ULK4: variants seen among roughly 807,000 people sequenced by gnomAD.
The protein encoded by ULK4 is unc-51 like kinase 4, also known as inactive serine/threonine-protein kinase ULK4.
Under a neutral mutation model 160.6 loss-of-function variants are expected in ULK4, and 133 were observed. The observed-to-expected ratio is 0.83, with a 90% CI of 0.72 to 0.96. The LOEUF is 0.96. Among genes scored for constraint, ULK4 ranks in the 40% least tolerant of loss-of-function variants. The pLI, the probability that ULK4 is intolerant of heterozygous loss-of-function variation, is 0.00. For synonymous variants in ULK4, 534 were observed against 539.8 expected (o/e 0.99, Z 0.15); for missense variants, 1,580 against 1,499.5 (o/e 1.05, Z -0.89).
chr3:41,463,367 T>A, intron 32 of ULK4, 114 bp from the exon 33 acceptor site: 1 of 1,003,304 alleles, frequency 1.0e-6, no homozygotes, highest in Non-Finnish European at 1.4e-6. Flanking sequence ...AAGCAATACT[T>A]AAACTATACT....
At chr3:41,407,122 C>A (rs537699727) in intron 34 of ULK4, among the ~76,000 whole-genome samples, 34 of 152,116 alleles carry the variant, frequency 2.2e-4, no homozygotes, top group African/African-American at 8.2e-4. Flanking sequence ...AGAAAGCAGG[C>A]CGAGGCTCAA....
intron 11 of ULK4, among the ~76,000 whole-genome samples, chr3:41,908,754 A>G (rs1196469588): frequency 6.6e-6 from 1 of 152,034 alleles, no homozygotes; most frequent in African/African-American, 2.4e-5. Flanking sequence ...TGAGCTTTTC[A>G]CATTTTAAGA....
At chr3:41,390,730 G>C (rs896415170) in intron 35 of ULK4, among the ~76,000 whole-genome samples, 98 of 152,306 alleles carry the variant, frequency 6.4e-4, no homozygotes, top group African/African-American at 2.2e-3. Context: ...TGGTCTGAGA[G>C]ACAGTTTGTT....
chr3:41,299,910 A>T (rs912355655), intron 35 of ULK4, among the ~76,000 whole-genome samples: 7 of 152,328 alleles, frequency 4.6e-5, no homozygotes, highest in African/African-American at 1.7e-4. Flanking sequence ...ATAAGCTTAT[A>T]CATCTAACAT....
chr3:41,759,217 T>C (rs1221576696), intron 21 of ULK4, among the ~76,000 whole-genome samples: 1 of 152,110 alleles, frequency 6.6e-6, no homozygotes, highest in Non-Finnish European at 1.5e-5. Context: ...GACATTTAGA[T>C]TTGAATGAAA....
chr3:41,904,168 C>T (rs533594142), intron 12 of ULK4, among the ~76,000 whole-genome samples: 29 of 152,150 alleles, frequency 1.9e-4, no homozygotes, highest in Admixed American at 7.9e-4. Context: ...CACAGTGGCT[C>T]ACACCTGTAA....
intron 34 of ULK4, among the ~76,000 whole-genome samples, chr3:41,452,159 A>G (rs1416054462): frequency 6.6e-6 from 1 of 152,116 alleles, no homozygotes. Context: ...AGAGCCATCT[A>G]TCTGCTCCAA....
chr3:41,540,397 A>G (rs1227459666), intron 32 of ULK4, among the ~76,000 whole-genome samples: 1 of 152,176 alleles, frequency 6.6e-6, no homozygotes, highest in Non-Finnish European at 1.5e-5. Flanking sequence ...ATAGTATTCT[A>G]TAGTGTATAT....
intron 34 of ULK4, among the ~76,000 whole-genome samples, chr3:41,452,967 C>T (rs1017046073): frequency 2.0e-5 from 3 of 151,940 alleles, no homozygotes; most frequent in African/African-American, 4.8e-5. Flanking sequence ...CCAAGGAGAA[C>T]GGTGGTAGGG....
intron 35 of ULK4, among the ~76,000 whole-genome samples, chr3:41,259,598 A>G (rs974820544): frequency 1.3e-5 from 2 of 152,252 alleles, no homozygotes; most frequent in Non-Finnish European, 2.9e-5. Context: ...ACCGTGGCAC[A>G]TCAGGAATTT....
intron 34 of ULK4, among the ~76,000 whole-genome samples, chr3:41,425,238 A>T (rs932594370): frequency 2.0e-5 from 3 of 152,200 alleles, no homozygotes; most frequent in African/African-American, 7.2e-5. Context: ...CAGGCAGACA[A>T]GATTAGAGAA....
intron 3 of ULK4, chr3:41,936,990 C>T (rs995612029): frequency 3.0e-5 from 7 of 232,288 alleles, no homozygotes; most frequent in African/African-American, 1.6e-4. Context: ...TTACACACTG[C>T]ATGCCTGTAC....
intron 31 of ULK4, among the ~76,000 whole-genome samples, chr3:41,569,091 C>G (rs1213770069): frequency 6.6e-6 from 1 of 152,216 alleles, no homozygotes; most frequent in Non-Finnish European, 1.5e-5. Flanking sequence ...GCTTCTGTGT[C>G]TTCCCCGGGC....
intron 34 of ULK4, among the ~76,000 whole-genome samples, chr3:41,412,730 G>C (rs2082434373): frequency 6.6e-6 from 1 of 151,354 alleles, no homozygotes; most frequent in Non-Finnish European, 1.5e-5. Context: ...CAGCTAATTT[G>C]TTGTATTTTT....
chr3:41,565,890 C>A, intron 32 of ULK4, 135 bp downstream of exon 32: 2 of 615,360 alleles, frequency 3.3e-6, no homozygotes, highest in East Asian at 3.0e-5. Context: ...CCAAATTTTG[C>A]TAGTAATATT....
intron 22 of ULK4, among the ~76,000 whole-genome samples, chr3:41,746,321 T>C (rs1367329217): frequency 7.4e-6 from 1 of 134,650 alleles, no homozygotes; most frequent in Admixed American, 7.1e-5. Flanking sequence ...TAAATGAGTT[T>C]AGTAACGCTG....
At chr3:41,961,711 A>C (rs1264056563) in intron 1 of ULK4, among the ~76,000 whole-genome samples, 1 of 152,262 alleles carries the variant, frequency 6.6e-6, no homozygotes, top group African/African-American at 2.4e-5. Flanking sequence ...GGAAGTTAAG[A>C]GATGGCGTCC....
At chr3:41,525,908 A>G (rs867775194) in intron 32 of ULK4, among the ~76,000 whole-genome samples, 2 of 152,030 alleles carry the variant, frequency 1.3e-5, no homozygotes, top group Non-Finnish European at 1.5e-5. Context: ...ATTTCCTGTC[A>G]TTTTGTGTGA....
At chr3:41,483,403 C>A (rs1226854282) in intron 32 of ULK4, among the ~76,000 whole-genome samples, 1 of 152,064 alleles carries the variant, frequency 6.6e-6, no homozygotes, top group Non-Finnish European at 1.5e-5. Context: ...GCTCTCTTTC[C>A]CCATCCCCAC....
Sources: gnomAD v4.1 joint callset for allele counts (sites outside exome capture counted in the v4.1 genomes callset) on GRCh38, gnomAD v4.1.1 for gene constraint, MANE v1.5 for transcripts, NCBI Gene and HGNC (gene_info 2026-07-23, HGNC 2026-07-21) for gene names.